The following TRPC4 variants were observed in gnomAD, a reference collection of about 807,000 sequenced individuals.
TRPC4 encodes the protein transient receptor potential cation channel subfamily C member 4, also known as short transient receptor potential channel 4.
TRPC4 carries 49 observed loss-of-function variants against 99.4 expected under a neutral mutation model. The observed-to-expected ratio is 0.49, with a 90% CI of 0.39 to 0.63. TRPC4 has a LOEUF of 0.63. Among genes scored for constraint, TRPC4 ranks in the 20% least tolerant of loss-of-function variants. The pLI, the probability that TRPC4 is intolerant of heterozygous loss-of-function variation, is 0.00. For missense variants in TRPC4, 898 were observed against 1,152.9 expected (o/e 0.78, Z 3.20); for synonymous variants, 454 against 425.9 (o/e 1.07, Z -0.81).
rs1315897626 is a variant in TRPC4 at position 37,634,130 on chromosome 13, T to G, written c.*2773A>C. Among the ~76,000 whole-genome samples, 3 of 152,108 alleles carry G rather than the reference T, an allele frequency of 2.0e-5. No homozygotes were observed. Among genetic ancestry groups the G allele is most frequent in the Non-Finnish European group, 2.9e-5 (2 of 67,978 alleles). On this transcript the variant is annotated 3_prime_UTR_variant, in exon 11 of 11. Transcript: ENST00000379705. Reference sequence around the variant, plus strand: ...TACGAAAAATGAGAAACATTATTTATGTAAATGAAGGTAATTTCAAAGTTC... The same window carrying G: ...TACGAAAAATGAGAAACATTATTTAGGTAAATGAAGGTAATTTCAAAGTTC...
chr13:37,655,559 T>C (rs1952200288), intron 6 of TRPC4, among the ~76,000 whole-genome samples: 1 of 151,956 alleles, frequency 6.6e-6, no homozygotes. Flanking sequence ...GAGAGGCAAA[T>C]GTGGCATGGG....
chr13:37,692,836 C>A (rs1953763373), intron 3 of TRPC4, among the ~76,000 whole-genome samples: 1 of 152,074 alleles, frequency 6.6e-6, no homozygotes, highest in Non-Finnish European at 1.5e-5. Flanking sequence ...AGCAAATGAA[C>A]TTTTCTTTAT....
chr13:37,786,464 T>C (rs1008690578), intron 1 of TRPC4, among the ~76,000 whole-genome samples: 3 of 151,960 alleles, frequency 2.0e-5, no homozygotes, highest in Admixed American at 6.6e-5. Context: ...GGATACTAAC[T>C]GGAGGACAAA....
intron 1 of TRPC4, among the ~76,000 whole-genome samples, chr13:37,831,674 A>G (rs917026879): frequency 1.3e-5 from 2 of 152,246 alleles, no homozygotes; most frequent in African/African-American, 4.8e-5. Context: ...AAAATGCTGT[A>G]TACATACACA....
At chr13:37,728,842 A>G (rs1955151320) in intron 3 of TRPC4, among the ~76,000 whole-genome samples, 1 of 152,166 alleles carries the variant, frequency 6.6e-6, no homozygotes, top group South Asian at 2.1e-4. Context: ...CATAATCACC[A>G]GTGAAATAGT....
rs1336247900 is a variant in TRPC4, at chr13:37,636,206, G to T, written c.*697C>A. ...ATAGGTAATTAAAAAAACTGGAGGG[G>T]CGAGTTTTTTTCCTGACAAAATGTC... is the stretch of plus-strand genomic sequence containing the variant. On this transcript the variant is annotated 3_prime_UTR_variant, in exon 11 of 11. Coordinates refer to ENST00000379705, the MANE Select transcript of TRPC4 (RefSeq NM_016179.4). Among the ~76,000 whole-genome samples, 2 of 151,846 alleles carry T rather than the reference G, an allele frequency of 1.3e-5. No homozygotes were observed. Among genetic ancestry groups the T allele is most frequent in the African/African-American group, 4.8e-5 (2 of 41,352 alleles).
At chr13:37,857,181 A>C (rs1216105904) in intron 1 of TRPC4, among the ~76,000 whole-genome samples, 1 of 151,674 alleles carries the variant, frequency 6.6e-6, no homozygotes, top group Non-Finnish European at 1.5e-5. Flanking sequence ...TACAATAGCC[A>C]CACATAAAAA....
chr13:37,782,080 T>A (rs541471450), intron 2 of TRPC4, among the ~76,000 whole-genome samples: 1 of 152,076 alleles, frequency 6.6e-6, no homozygotes, highest in Non-Finnish European at 1.5e-5. Context: ...ATCTGCAGTG[T>A]CTTTGCAGTT....
Position 37,825,811 on chromosome 13 carries a change from T to C in TRPC4, c.-27-42451A>G, listed in dbSNP as rs374394221. Among the ~76,000 whole-genome samples, 233 of 151,026 alleles carry C rather than the reference T, an allele frequency of 1.5e-3. 1 individual carries two copies. The highest frequency in any genetic ancestry group is 5.6e-3 in the African/African-American group (227 of 40,504). Reference sequence around the variant, plus strand: ...GGTCCACTTGGTGCAGAGCTGAGTTTAATTCCTGGGTATCCTTGTTGACTT... The same window carrying C: ...GGTCCACTTGGTGCAGAGCTGAGTTCAATTCCTGGGTATCCTTGTTGACTT... On this transcript the variant is annotated intron_variant, in intron 1 of 10. Coordinates refer to ENST00000379705, the MANE Select transcript of TRPC4 (RefSeq NM_016179.4).
At chr13:37,742,961 T>C (rs1344749892) in intron 3 of TRPC4, among the ~76,000 whole-genome samples, 1 of 152,186 alleles carries the variant, frequency 6.6e-6, no homozygotes, top group Non-Finnish European at 1.5e-5. Flanking sequence ...TATTTTGCTT[T>C]GGGAAAATCT....
chr13:37,724,384 G>A (rs558536285), intron 3 of TRPC4, among the ~76,000 whole-genome samples: 20 of 152,184 alleles, frequency 1.3e-4, no homozygotes, highest in African/African-American at 2.9e-4. Flanking sequence ...CCAACTTTGA[G>A]CAATGAATTA....
At chr13:37,716,289 C>T (rs1446080893) in intron 3 of TRPC4, among the ~76,000 whole-genome samples, 1 of 152,032 alleles carries the variant, frequency 6.6e-6, no homozygotes, top group Admixed American at 6.6e-5. Flanking sequence ...ACGGGAATTA[C>T]AAGTAAGGAG....
chr13:37,786,289 GAC>G (rs10549960), intron 1 of TRPC4, among the ~76,000 whole-genome samples: 29,864 of 140,626 alleles, frequency 0.21, 3,015 homozygotes, highest in Middle Eastern at 0.25. Context: ...CAGGGAGAAA[GAC>G]ACACACACAC....
At chr13:37,868,597 G>GT (rs1007396175) in intron 1 of TRPC4, among the ~76,000 whole-genome samples, 5 of 150,990 alleles carry the variant, frequency 3.3e-5, no homozygotes, top group African/African-American at 9.7e-5. Context: ...GAGAGGCGGT[G>GT]TTTTATTAAA....
At chr13:37,717,174 T>C (rs999317157) in intron 3 of TRPC4, among the ~76,000 whole-genome samples, 1 of 152,172 alleles carries the variant, frequency 6.6e-6, no homozygotes, top group Non-Finnish European at 1.5e-5. Context: ...TTCAAAAATT[T>C]AATGATATAA....
rs1951408493 is a variant in TRPC4, at chr13:37,632,095, C to T, written c.*4808G>A. On this transcript the variant is annotated 3_prime_UTR_variant, in exon 11 of 11. Coordinates refer to ENST00000379705, the MANE Select transcript of TRPC4 (RefSeq NM_016179.4). ...GAGACTGCAAACTTTAATAGAGCTA[C>T]ACAAAACTTTTTTGAGTAATTAAAG... Among the ~76,000 whole-genome samples, 1 of 152,130 alleles carries T rather than the reference C, an allele frequency of 6.6e-6. No individual in the cohort carries two copies. The highest frequency in any genetic ancestry group is 1.9e-4 in the East Asian group (1 of 5,182).
chr13:37,754,470 A>C (rs549938841), intron 2 of TRPC4, among the ~76,000 whole-genome samples: 1 of 152,288 alleles, frequency 6.6e-6, no homozygotes, highest in East Asian at 1.9e-4. Flanking sequence ...AAATCTATAG[A>C]CATAAAGGCA....
At chr13:37,770,935 A>G (rs546754692) in intron 2 of TRPC4, among the ~76,000 whole-genome samples, 88 of 151,698 alleles carry the variant, frequency 5.8e-4, no homozygotes, top group African/African-American at 2.1e-3. Flanking sequence ...CAGAAACACA[A>G]TGGTACTTGT....
chr13:37,696,584 C>A (rs1953911820), intron 3 of TRPC4, among the ~76,000 whole-genome samples: 1 of 152,168 alleles, frequency 6.6e-6, no homozygotes, highest in South Asian at 2.1e-4. Context: ...TCTATCTTGA[C>A]TGCGTCAGAG....
Sources: allele counts gnomAD v4.1 joint callset (sites outside exome capture counted in the v4.1 genomes callset), GRCh38; gene constraint gnomAD v4.1.1; transcripts MANE v1.5; gene names NCBI Gene and HGNC (gene_info 2026-07-23, HGNC 2026-07-21).